MS4A4E: variants seen among roughly 807,000 people sequenced by gnomAD.
The protein encoded by MS4A4E is membrane spanning 4-domains A4E.
In MS4A4E, 23 loss-of-function variants were observed where a neutral mutation model predicts 13.3. The observed-to-expected ratio is 1.73, with a 90% CI of 1.25 to 2.45. The LOEUF (loss-of-function observed/expected upper bound fraction) is 2.45. Ranked by LOEUF, MS4A4E falls within the 30% of genes most tolerant of loss-of-function variation. MS4A4E has a pLI of 0.00. For synonymous variants in MS4A4E, 36 were observed against 45.6 expected, an observed-to-expected ratio of 0.79 and a Z score of 0.85; for missense variants, 144 against 131.2, an observed-to-expected ratio of 1.10 and a Z score of -0.48.
At chr11:60,232,190 G>A (rs1298354251) in intron 1 of MS4A4E, among the ~76,000 whole-genome samples, 1 of 151,432 alleles carries the variant, frequency 6.6e-6, no homozygotes, top group African/African-American at 2.4e-5. Context: ...TAAAAGATTA[G>A]AAGTTTAGAA....
intron 6 of MS4A4E, among the ~76,000 whole-genome samples, chr11:60,206,512 T>TGTGTATATATATACAC (rs1554983301): frequency 3.2e-4 from 31 of 98,334 alleles, no homozygotes; most frequent in African/African-American, 1.4e-3. Context: ...TATATATATA[T>TGTGTATATATATACAC]ACACACACAC....
At chr11:60,218,123 C>T (rs1019583838) in intron 3 of MS4A4E, among the ~76,000 whole-genome samples, 5 of 152,090 alleles carry the variant, frequency 3.3e-5, no homozygotes, top group Non-Finnish European at 5.9e-5. Flanking sequence ...CTCTTATGGT[C>T]GAGGCTGTAG....
intron 1 of MS4A4E, 69 bp from the exon 2 acceptor site, chr11:60,230,140 C>T: frequency 6.8e-7 from 1 of 1,474,288 alleles, no homozygotes; most frequent in Admixed American, 2.5e-5. Context: ...CACTTTGGGG[C>T]AGATTCCTCC....
At chr11:60,214,513 C>A (rs959779660) in intron 4 of MS4A4E, 58 bp downstream of exon 4, 2 of 1,229,980 alleles carry the variant, frequency 1.6e-6, no homozygotes, top group Admixed American at 2.9e-5. Context: ...TATACCCTGG[C>A]AGAATACATT....
intron 1 of MS4A4E, among the ~76,000 whole-genome samples, chr11:60,231,152 A>T (rs1479470239): frequency 1.3e-5 from 2 of 152,178 alleles, no homozygotes; most frequent in Admixed American, 6.5e-5. Context: ...TGAATTTCAG[A>T]GAAAGCTAGA....
intron 6 of MS4A4E, among the ~76,000 whole-genome samples, 192 bp downstream of exon 6, chr11:60,208,401 C>A (rs1467461642): frequency 1.3e-5 from 2 of 152,138 alleles, no homozygotes; most frequent in African/African-American, 4.8e-5. Flanking sequence ...AGGCCACAGC[C>A]CCGGCCAACT....
At chr11:60,240,318 C>G (rs2134977909) in intron 1 of MS4A4E, among the ~76,000 whole-genome samples, 1 of 152,274 alleles carries the variant, frequency 6.6e-6, no homozygotes, top group South Asian at 2.1e-4. Context: ...TCTACGCAAC[C>G]ATTTTTTAAC....
rs1223066541 is a variant in MS4A4E at position 60,201,201 on chromosome 11, G to A, written c.*342C>T. ...CCAGTAGGGGCGGCTGGGCAGAGGC[G>A]CCCCTCACCTCCCGGACGGGGCGGC... On this transcript the variant is annotated 3_prime_UTR_variant, in exon 9 of 9. Coordinates refer to ENST00000651255, the MANE Select transcript of MS4A4E (RefSeq NM_001393391.1). The A allele has an allele frequency of 9.1e-4, 123 of 134,550 alleles. No individual in the cohort carries two copies. The East Asian group carries it at 0.016, about 17-fold the overall frequency. 8.3% of individuals were successfully genotyped at this position (134,550 alleles called of 1,614,324 possible).
chr11:60,239,445 A>C (rs1441681243), intron 1 of MS4A4E, among the ~76,000 whole-genome samples: 1 of 152,166 alleles, frequency 6.6e-6, no homozygotes, highest in African/African-American at 2.4e-5. Flanking sequence ...GAGGGGCTTT[A>C]TTCCTGGCAT....
chr11:60,223,521 T>C lies in MS4A4E; in HGVS notation c.178+5073A>G, dbSNP rs73485309. 5.5e-3 allele frequency among the ~76,000 whole-genome samples: 832 copies of C among 152,260 alleles called. 8 individuals carry two copies. Among genetic ancestry groups the C allele is most frequent in the African/African-American group, 0.02 (811 of 41,542 alleles). On this transcript the variant is annotated intron_variant, in intron 3 of 8. Coordinates refer to ENST00000651255, the MANE Select transcript of MS4A4E (RefSeq NM_001393391.1). ...ACTCTTGATGGTTAATATTGAATGT[T>C]AACTTGATTGGATTGAAGGATGCAA...
chr11:60,242,858 C>A lies in MS4A4E; in HGVS notation c.-17+100G>T. ...TACCAGCTTGGGTCATGGGAAGTGACCTCATTTTTTTTTCTCACTCCACTC... is the reference window on the plus strand; with the variant it reads ...TACCAGCTTGGGTCATGGGAAGTGAACTCATTTTTTTTTCTCACTCCACTC... On this transcript the variant is annotated intron_variant, in intron 1 of 8. Transcript: ENST00000651255. The A allele has an allele frequency of 3.6e-6, 3 of 823,366 alleles. No individual in the cohort carries two copies. The Admixed American group carries it at 8.0e-5, about 22-fold the overall frequency. 51.0% of individuals were successfully genotyped at this position (823,366 alleles called of 1,614,324 possible).
intron 1 of MS4A4E, among the ~76,000 whole-genome samples, chr11:60,236,190 T>C (rs2084480160): frequency 6.6e-6 from 1 of 152,234 alleles, no homozygotes; most frequent in Non-Finnish European, 1.5e-5. Context: ...AATACCACAC[T>C]GTCTTAAAAT....
At chr11:60,203,006 A>G (rs2084003905) in intron 8 of MS4A4E, among the ~76,000 whole-genome samples, 2 of 152,114 alleles carry the variant, frequency 1.3e-5, no homozygotes, top group African/African-American at 4.8e-5. Context: ...AAAATTACCG[A>G]TTTTCAGGGT....
intron 3 of MS4A4E, among the ~76,000 whole-genome samples, chr11:60,216,517 A>G (rs995071979): frequency 6.6e-6 from 1 of 152,124 alleles, no homozygotes; most frequent in African/African-American, 2.4e-5. Context: ...TGTGAAATAA[A>G]AAGTACACAT....
intron 7 of MS4A4E, among the ~76,000 whole-genome samples, 61 bp from the exon 8 acceptor site, chr11:60,205,019 G>A (rs574851478): frequency 4.6e-5 from 7 of 152,306 alleles, no homozygotes; most frequent in South Asian, 2.1e-4. Flanking sequence ...CATGAAAAGC[G>A]TGCATGGAGA....
At chr11:60,227,252 C>T (rs565597210) in intron 3 of MS4A4E, among the ~76,000 whole-genome samples, 1 of 152,112 alleles carries the variant, frequency 6.6e-6, no homozygotes, top group African/African-American at 2.4e-5. Context: ...TGCAATCTCC[C>T]TCAAAATATT....
At chr11:60,224,050 G>T (rs573653905) in intron 3 of MS4A4E, among the ~76,000 whole-genome samples, 25 of 152,098 alleles carry the variant, frequency 1.6e-4, no homozygotes, top group African/African-American at 5.3e-4. Context: ...TCTCAGTTTT[G>T]GAAATAAATG....
intron 8 of MS4A4E, among the ~76,000 whole-genome samples, chr11:60,203,052 CTT>C (rs879639265): frequency 6.6e-6 from 1 of 152,152 alleles, no homozygotes; most frequent in Non-Finnish European, 1.5e-5. Flanking sequence ...GGACATTACT[CTT>C]ATACTTAGTA....
At chr11:60,205,350 C>T (rs909448673) in intron 7 of MS4A4E, among the ~76,000 whole-genome samples, 5 of 152,164 alleles carry the variant, frequency 3.3e-5, no homozygotes, top group Non-Finnish European at 5.9e-5. Context: ...CTCTTATTCA[C>T]CGCTATTTTC....
Sources: gnomAD v4.1 joint callset for allele counts (sites outside exome capture counted in the v4.1 genomes callset) on GRCh38, gnomAD v4.1.1 for gene constraint, MANE v1.5 for transcripts, NCBI Gene and HGNC (gene_info 2026-07-23, HGNC 2026-07-21) for gene names.